NOSIP: variants seen among roughly 807,000 people sequenced by gnomAD.
NOSIP encodes nitric oxide synthase-interacting protein.
A neutral mutation model predicts 36.4 loss-of-function variants in NOSIP; 25 were observed. The ratio of observed to expected loss-of-function variants is 0.69; its 90% CI spans 0.50 to 0.96. The LOEUF is 0.96. Ranked by LOEUF, NOSIP falls within the 40% of genes least tolerant of loss-of-function variation. The pLI, the probability that NOSIP is intolerant of heterozygous loss-of-function variation, is 0.00. For missense variants in NOSIP, 370 were observed against 429.0 expected (o/e 0.86, Z 1.21); for synonymous variants, 187 against 179.2 (o/e 1.04, Z -0.35).
rs2080314409 is a variant in NOSIP at position 49,560,252 on chromosome 19, C to A, written c.71-213G>T. 8 of 584,818 alleles carry A rather than the reference C, an allele frequency of 1.4e-5. No homozygotes were observed. The South Asian group carries it at 1.6e-4, about 12-fold the overall frequency. 36.2% of individuals were successfully genotyped at this position (584,818 alleles called of 1,614,324 possible). A position where few individuals can be genotyped will look rare whatever the true frequency, so the allele number is the denominator to read the frequency against. ...CCTGGAGGGTGAGAGGCAGACAGGCCTGGTCACTGAGTGGCAGCTTGGTGG... is the reference window on the plus strand; with the variant it reads ...CCTGGAGGGTGAGAGGCAGACAGGCATGGTCACTGAGTGGCAGCTTGGTGG... On this transcript the variant is annotated intron_variant, in intron 2 of 8. Transcript: ENST00000596358. The surrounding 1 kb of genome is among the most constrained non-coding windows in gnomAD (Gnocchi z 4.6).
In NOSIP at chr19:49,555,629, T is replaced by C; in HGVS notation, c.*122A>G. On this transcript the variant is annotated 3_prime_UTR_variant, in exon 9 of 9. Transcript: ENST00000596358. The stretch of plus-strand genomic sequence containing the variant: ...CTCTTTCAAACTCCAGCGTGCGCTG[T>C]AGGAGCACTGTTTGCACGGCCCTGC... 1.3e-6 allele frequency: 1 copy of C among 757,964 alleles called. No individual in the cohort carries two copies. The highest frequency in any genetic ancestry group is 2.3e-6 in the Non-Finnish European group (1 of 439,526). 47.0% of individuals were successfully genotyped at this position (757,964 alleles called of 1,614,324 possible).
At chr19:49,562,834 T>C (rs1405163595) in intron 1 of NOSIP, among the ~76,000 whole-genome samples, 3 of 151,990 alleles carry the variant, frequency 2.0e-5, no homozygotes, top group Non-Finnish European at 2.9e-5. Context: ...GAGTGGAGAT[T>C]GCACCACTAC....
intron 4 of NOSIP, chr19:49,557,480 T>C (rs889734627): frequency 1.9e-5 from 26 of 1,365,930 alleles, no homozygotes; most frequent in Non-Finnish European, 2.5e-5. Context: ...GTGAGCACTA[T>C]GACCTCTCCT....
At chr19:49,559,079 A>G in intron 3 of NOSIP, 101 bp from the exon 4 acceptor site, 2 of 889,230 alleles carry the variant, frequency 2.2e-6, no homozygotes, top group Non-Finnish European at 3.7e-6. Context: ...GATCAGTCCC[A>G]AGTTCAATTA....
chr19:49,558,962 A>T lies in NOSIP; in HGVS notation c.193T>A (p.Tyr65Asn). The change falls in exon 4 of 9, where the codon TAT (tyrosine) becomes AAT (asparagine). Residue 65 changes from tyrosine (Y) to asparagine (N), a missense_variant. This residue lies in a region of NOSIP where 315 missense variants were observed against 331.9 expected (regional missense o/e 0.95). Coordinates refer to ENST00000596358, the MANE Select transcript of NOSIP (RefSeq NM_001270960.2). ...TACTCCAGGATGGCCTCACGCTCAT[A>T]CAGGTAGCCATCTGGGCTGCAAAGA... ...DPVVTPDGYL[Y>N]EREAILEYIL... 6.2e-7 allele frequency: 1 copy of T among 1,613,872 alleles called. No homozygotes were observed. The highest frequency in any genetic ancestry group is 8.5e-7 in the Non-Finnish European group (1 of 1,179,848).
At chr19:49,563,885 G>C (rs2080368159) in intron 1 of NOSIP, among the ~76,000 whole-genome samples, 1 of 152,104 alleles carries the variant, frequency 6.6e-6, no homozygotes, top group Non-Finnish European at 1.5e-5. Flanking sequence ...ATTTCCCATT[G>C]TTCCTAGGCT....
At chr19:49,571,960 G>A (rs563165645) in intron 1 of NOSIP, among the ~76,000 whole-genome samples, 13 of 139,136 alleles carry the variant, frequency 9.3e-5, no homozygotes, top group Non-Finnish European at 1.8e-4. Context: ...ACTTCAGCCT[G>A]GCGACAGAGT....
chr19:49,574,740 G>A (rs2080528517), intron 1 of NOSIP, among the ~76,000 whole-genome samples: 1 of 152,122 alleles, frequency 6.6e-6, no homozygotes, highest in African/African-American at 2.4e-5. Flanking sequence ...TTTGGGAGGA[G>A]TCTCACTTTG....
At chr19:49,575,919 C>G (rs192968076) in intron 1 of NOSIP, among the ~76,000 whole-genome samples, 330 of 152,174 alleles carry the variant, frequency 2.2e-3, no homozygotes, top group African/African-American at 7.5e-3. Flanking sequence ...ATCGTGAGGT[C>G]AGGAGATTGA....
intron 1 of NOSIP, among the ~76,000 whole-genome samples, chr19:49,564,586 AG>A (rs964951656): frequency 8.5e-5 from 13 of 152,060 alleles, no homozygotes; most frequent in Non-Finnish European, 1.9e-4. Context: ...TGCACTGCTC[AG>A]GGGAGTGCAG....
At position 49,556,685 on chromosome 19, in the gene NOSIP, G is replaced by A. The variant is rs1229187069; in HGVS notation, c.589C>T (p.Leu197=). 8.1e-6 allele frequency: 13 copies of A among 1,611,554 alleles called. No individual in the cohort carries two copies. The highest frequency in any genetic ancestry group is 1.7e-4 in the Middle Eastern group (1 of 6,056). The part of the protein sequence containing the change: ...MSGKPLRMSD[L]TPVHFTPLDS... ...AGCGGTGTGAAGTGCACGGGCGTCAGGTCCGACATGCGCAGGGGCTTCCCT... is the reference window on the plus strand; with the variant it reads ...AGCGGTGTGAAGTGCACGGGCGTCAAGTCCGACATGCGCAGGGGCTTCCCT... The change falls in exon 7 of 9, where the codon CTG becomes TTG. Residue 197 remains leucine (L), a synonymous_variant. Transcript: ENST00000596358.
Position 49,556,445 on chromosome 19 carries a change from G to C in NOSIP, c.726-20C>G. 6.2e-7 allele frequency: 1 copy of C among 1,611,102 alleles called. No individual in the cohort carries two copies. On this transcript the variant is annotated intron_variant, in intron 7 of 8. Transcript: ENST00000596358. ...GCCCCACTACGGTGAGGCCGAAGGC[G>C]GGAGACTCTGATCAGGGGCCTTCCT...
Position 49,560,745 on chromosome 19 carries a change from A to C in NOSIP, c.-1-53T>G. ...TGTGGTTACCGGAGGCAGGCAGCACAGGGAAGACCTCTGCAGCCCTCAGAG... is the reference window on the plus strand; with the variant it reads ...TGTGGTTACCGGAGGCAGGCAGCACCGGGAAGACCTCTGCAGCCCTCAGAG... On this transcript the variant is annotated intron_variant, in intron 1 of 8. Coordinates refer to ENST00000596358, the MANE Select transcript of NOSIP (RefSeq NM_001270960.2). This position sits in a 1 kb window ranked among gnomAD's most constrained non-coding sequence, Gnocchi z 4.6. The C allele has an allele frequency of 7.4e-7, 1 of 1,359,406 alleles. No homozygotes were observed. Among genetic ancestry groups the C allele is most frequent in the East Asian group, 2.5e-5 (1 of 40,692 alleles). The allele number at this position is 1,359,406 out of a possible 1,614,324, so 84.2% of individuals were successfully genotyped here.
chr19:49,558,682 AGAG>A, intron 4 of NOSIP: 1 of 614,978 alleles, frequency 1.6e-6, no homozygotes, highest in East Asian at 2.7e-5. Flanking sequence ...TGCTAAGAGA[AGAG>A]GTGACTGGGG....
intron 1 of NOSIP, among the ~76,000 whole-genome samples, chr19:49,576,130 A>G (rs929582357): frequency 6.8e-6 from 1 of 147,898 alleles, no homozygotes; most frequent in African/African-American, 2.6e-5. Flanking sequence ...GCGAGACTCC[A>G]TCTTATAAAA....
chr19:49,565,329 G>A (rs905874941), intron 1 of NOSIP, among the ~76,000 whole-genome samples: 6 of 151,912 alleles, frequency 3.9e-5, no homozygotes, highest in African/African-American at 1.5e-4. Context: ...ACTAGGAGGG[G>A]CACAGGTAGC....
At chr19:49,575,796 T>A (rs2080544103) in intron 1 of NOSIP, among the ~76,000 whole-genome samples, 1 of 152,134 alleles carries the variant, frequency 6.6e-6, no homozygotes, top group African/African-American at 2.4e-5. Context: ...TTGTCATAGG[T>A]CACCAAATTC....
chr19:49,557,325 A>T, intron 4 of NOSIP, 76 bp from the exon 5 acceptor site: 1 of 1,488,536 alleles, frequency 6.7e-7, no homozygotes, highest in Non-Finnish European at 8.9e-7. Context: ...AGGTAGGTAA[A>T]CTGAGGCCCA....
At position 49,560,104 on chromosome 19, in the gene NOSIP, G is replaced by A. The variant is rs1599748360; in HGVS notation, c.71-65C>T. 9.1e-7 allele frequency: 1 copy of A among 1,100,560 alleles called. No individual in the cohort carries two copies. Among genetic ancestry groups the A allele is most frequent in the East Asian group, 2.5e-5 (1 of 40,142 alleles). The allele number at this position is 1,100,560 out of a possible 1,614,324, so 68.2% of individuals were successfully genotyped here. A position where few individuals can be genotyped will look rare whatever the true frequency, so the allele number is the denominator to read the frequency against. ...AACAGGAGACATGTCCGTCTCCAAA[G>A]CCCCAGAGAGAGGCACAGAGACAAC... On this transcript the variant is annotated intron_variant, in intron 2 of 8. Coordinates refer to ENST00000596358, the MANE Select transcript of NOSIP (RefSeq NM_001270960.2). The surrounding 1 kb of genome is among the most constrained non-coding windows in gnomAD (Gnocchi z 4.6).
Sources: gnomAD v4.1 joint callset for allele counts (sites outside exome capture counted in the v4.1 genomes callset) on GRCh38, gnomAD v4.1.1 for gene constraint, gnomAD v4.1.1 regional missense constraint, Gnocchi (gnomAD v3.1) non-coding constraint, MANE v1.5 for transcripts, NCBI Gene and HGNC (gene_info 2026-07-23, HGNC 2026-07-21) for gene names.